Variants in CTNS observed in about 807,000 individuals in gnomAD.
The protein encoded by CTNS is cystinosin, lysosomal cystine transporter, also known as cystinosin.
In CTNS, 27 loss-of-function variants were observed where a neutral mutation model predicts 43.7. The observed-to-expected ratio is 0.62, with a 90% CI of 0.46 to 0.85. The LOEUF is 0.85. Ranked by LOEUF, CTNS falls within the 40% of genes least tolerant of loss-of-function variation. The pLI is 0.00. For synonymous variants in CTNS, 187 were observed against 190.6 expected, an observed-to-expected ratio of 0.98 and a Z score of 0.16; for missense variants, 457 against 475.4, an observed-to-expected ratio of 0.96 and a Z score of 0.36.
At chr17:3,648,602 TCACACC>T (rs947629588) in intron 4 of CTNS, among the ~76,000 whole-genome samples, 16 of 152,196 alleles carry the variant, frequency 1.1e-4, no homozygotes, top group Admixed American at 2.0e-4. Context: ...CATTTGTCAT[TCACACC>T]CACCTTGCTT....
chr17:3,649,521 A>T (rs147798814), intron 5 of CTNS, among the ~76,000 whole-genome samples: 2 of 152,170 alleles, frequency 1.3e-5, no homozygotes, highest in Admixed American at 1.3e-4. Flanking sequence ...CAAGGACCAG[A>T]GAATTGGGCT....
At position 3,647,518 on chromosome 17, in the gene CTNS, C is replaced by G. The variant is rs146060302; in HGVS notation, c.136C>G (p.Leu46Val). 2.1e-5 allele frequency: 34 copies of G among 1,613,936 alleles called. No homozygotes were observed. Among genetic ancestry groups the G allele is most frequent in the Non-Finnish European group, 2.7e-5 (32 of 1,179,936 alleles). Residue 46 changes from leucine (L) to valine (V), a missense_variant, in exon 4 of 12, where the codon CTG becomes GTG. Leu to Val is a conservative substitution (Grantham distance 32, BLOSUM62 1). Coordinates refer to ENST00000046640, the MANE Select transcript of CTNS (RefSeq NM_004937.3). ...CAGCTCGACCAACGTCAGCCTCACC[C>G]TGCGGTAAGTTCCTGGGCCTGGCGC... is the stretch of plus-strand genomic sequence containing the variant. The part of the protein sequence containing the change: ...NGSSTNVSLT[L>V]RPPLNATLVI...
intron 2 of CTNS, among the ~76,000 whole-genome samples, chr17:3,639,036 TGAG>T (rs1567693726): frequency 6.6e-6 from 1 of 152,056 alleles, no homozygotes; most frequent in Non-Finnish European, 1.5e-5. Flanking sequence ...GGAGACTTCT[TGAG>T]GAGTGTGTAA....
At chr17:3,651,257 G>A (rs1256111678) in intron 5 of CTNS, among the ~76,000 whole-genome samples, 2 of 151,532 alleles carry the variant, frequency 1.3e-5, no homozygotes, top group Non-Finnish European at 2.9e-5. Flanking sequence ...ACCACACCCG[G>A]CTAATTTTTG....
chr17:3,656,884 G>C, intron 9 of CTNS, 89 bp downstream of exon 9: 1 of 1,587,464 alleles, frequency 6.3e-7, no homozygotes, highest in Non-Finnish European at 8.6e-7. Context: ...CAGAGCCTGG[G>C]AAAGGAAGGG....
Position 3,660,730 on chromosome 17 carries a change from G to A in CTNS, c.*361G>A, listed in dbSNP as rs773860120. ...AGCGTTTCTGCAAGCAGCTTGAAGG[G>A]CTGACCTTGCAGCCGGGTGAGCCAA... On this transcript the variant is annotated 3_prime_UTR_variant, in exon 12 of 12. Transcript: ENST00000046640. The A allele has an allele frequency of 1.2e-6, 2 of 1,613,470 alleles. No individual in the cohort carries two copies. Among genetic ancestry groups the A allele is most frequent in the Non-Finnish European group, 8.5e-7 (1 of 1,180,030 alleles).
At chr17:3,650,048 G>C in intron 5 of CTNS, 2 of 1,384,382 alleles carry the variant, frequency 1.4e-6, no homozygotes. Flanking sequence ...AAAAAGATAA[G>C]TATCTGAGAT....
chr17:3,655,505 A>ATCTCCCTCCGG, intron 7 of CTNS, 153 bp downstream of exon 7: 1 of 1,181,004 alleles, frequency 8.5e-7, no homozygotes, highest in East Asian at 2.4e-5. Flanking sequence ...AGGCTCGGAG[A>ATCTCCCTCCGG]GCCTGGGTCG....
chr17:3,659,008 G>A (rs1361022328), intron 10 of CTNS, among the ~76,000 whole-genome samples: 1 of 152,112 alleles, frequency 6.6e-6, no homozygotes, highest in Non-Finnish European at 1.5e-5. Flanking sequence ...TGGGGAAGTG[G>A]GCCCCAGTCC....
chr17:3,655,438 A>G, intron 7 of CTNS, 86 bp downstream of exon 7: 1 of 1,570,476 alleles, frequency 6.4e-7, no homozygotes, highest in Non-Finnish European at 8.7e-7. Flanking sequence ...CGCAGCCTCC[A>G]ACGTCCCCTC....
intron 10 of CTNS, among the ~76,000 whole-genome samples, chr17:3,658,908 T>C (rs11654264): frequency 0.2 from 30,070 of 151,722 alleles, 3,222 homozygotes; most frequent in East Asian, 0.25. Context: ...TGAGGGGATG[T>C]GGCTGGTTGA....
intron 3 of CTNS, among the ~76,000 whole-genome samples, chr17:3,642,265 T>C (rs531939): frequency 0.48 from 73,614 of 151,884 alleles, 18,754 homozygotes; most frequent in Non-Finnish European, 0.57. Flanking sequence ...TCCAGTTACC[T>C]GGAGGGGAAG....
intron 5 of CTNS, among the ~76,000 whole-genome samples, chr17:3,649,590 A>G (rs1312781039): frequency 2.0e-5 from 3 of 152,168 alleles, no homozygotes; most frequent in Non-Finnish European, 4.4e-5. Flanking sequence ...AAGTCAGCAC[A>G]CTAGCAAGAT....
At chr17:3,648,025 G>C (rs1374923976) in intron 4 of CTNS, among the ~76,000 whole-genome samples, 1 of 152,162 alleles carries the variant, frequency 6.6e-6, no homozygotes. Context: ...TCGCGACCTA[G>C]TCCAGTCTGT....
chr17:3,661,121 C>T lies in CTNS; in HGVS notation c.*752C>T, dbSNP rs1385141411. ...CCTTCTCAGATTAGCCCCATCTGAG[C>T]ACATCCAGCTGCTCCTTACCCAGCA... On this transcript the variant is annotated 3_prime_UTR_variant, in exon 12 of 12. Transcript: ENST00000046640. The T allele has an allele frequency of 3.5e-5, 12 of 341,000 alleles. No individual in the cohort carries two copies. Among genetic ancestry groups the T allele is most frequent in the Non-Finnish European group, 5.2e-5 (9 of 174,436 alleles). The allele number at this position is 341,000 out of a possible 1,614,324, so 21.1% of individuals were successfully genotyped here. A position where few individuals can be genotyped will look rare whatever the true frequency, so the allele number is the denominator to read the frequency against.
Position 3,637,759 on chromosome 17 carries a change from G to C in CTNS, c.-20+443G>C, listed in dbSNP as rs1185339794. Among the ~76,000 whole-genome samples the C allele has an allele frequency of 2.0e-5, 3 of 152,102 alleles. No individual in the cohort carries two copies. In the South Asian group the frequency reaches 6.2e-4, roughly 32 times the overall value. On this transcript the variant is annotated intron_variant, in intron 2 of 11. Transcript: ENST00000046640. The stretch of plus-strand genomic sequence containing the variant: ...TGGGATGACAGGCGTGAGCCACCGC[G>C]CCCAGCCTACCCCCAGCCAATTTTA...
intron 3 of CTNS, 47 bp from the exon 4 acceptor site, chr17:3,647,397 C>T (rs2150904487): frequency 6.5e-7 from 1 of 1,545,808 alleles, no homozygotes; most frequent in Admixed American, 1.7e-5. Context: ...TGTCACAGGC[C>T]TGAACTCTGA....
chr17:3,660,007 G>C (rs1420036416), intron 11 of CTNS, 32 bp downstream of exon 11: 2 of 1,574,260 alleles, frequency 1.3e-6, no homozygotes, highest in Admixed American at 3.3e-5. Context: ...TGGCCACCCT[G>C]CGGCTGGGGC....
intron 3 of CTNS, among the ~76,000 whole-genome samples, chr17:3,643,253 G>A (rs1435551546): frequency 1.3e-5 from 2 of 151,958 alleles, no homozygotes; most frequent in East Asian, 3.9e-4. Flanking sequence ...GGCAGAGGTT[G>A]CAGTGAGTCG....
Sources: allele counts gnomAD v4.1 joint callset (sites outside exome capture counted in the v4.1 genomes callset), GRCh38; gene constraint gnomAD v4.1.1; transcripts MANE v1.5; gene names NCBI Gene and HGNC (gene_info 2026-07-23, HGNC 2026-07-21).